PUDP: variants seen among roughly 807,000 people sequenced by gnomAD.
PUDP encodes the protein pseudouridine-5'-phosphatase.
Under a neutral mutation model 9.4 loss-of-function variants are expected in PUDP, and 8 were observed. The observed-to-expected ratio is 0.85, with a 90% confidence interval of 0.50 to 1.53. The LOEUF is 1.53. Among genes scored for constraint, PUDP ranks in the 40% most tolerant of loss-of-function variants. The pLI, the probability that PUDP is intolerant of heterozygous loss-of-function variation, is 0.00. For synonymous variants in PUDP, 99 were observed against 80.7 expected (o/e 1.23, Z -1.22); for missense variants, 188 against 189.7 (o/e 0.99, Z 0.05).
intron 3 of PUDP, among the ~76,000 whole-genome samples, chrX:6,762,422 T>C (rs1043816713): frequency 1.8e-5 from 2 of 112,155 alleles, no homozygotes; most frequent in African/African-American, 6.5e-5. Context: ...TTTTCTACCT[T>C]CATTTTCAGT....
At chrX:6,912,360 T>A (rs1377116205) in intron 3 of PUDP, among the ~76,000 whole-genome samples, 2 of 112,324 alleles carry the variant, frequency 1.8e-5, no homozygotes, top group East Asian at 5.6e-4. Context: ...TGTGATTTTA[T>A]CATACCAGTG....
At chrX:6,964,909 A>C (rs1026546568) in intron 3 of PUDP, among the ~76,000 whole-genome samples, 4 of 111,478 alleles carry the variant, frequency 3.6e-5, no homozygotes, top group Non-Finnish European at 1.9e-5. Flanking sequence ...GTACCATCTC[A>C]ATTCGTAAGA....
chrX:7,129,408 G>A (rs1427311190), intron 1 of PUDP, among the ~76,000 whole-genome samples: 3 of 111,807 alleles, frequency 2.7e-5, no homozygotes, highest in South Asian at 7.6e-4. Context: ...CAATACACAT[G>A]CCATGTTGGA....
At chrX:7,139,049 G>A (rs999595922) in intron 1 of PUDP, among the ~76,000 whole-genome samples, 1 of 111,917 alleles carries the variant, frequency 8.9e-6, no homozygotes, top group Non-Finnish European at 1.9e-5. Context: ...ATCCTTGACA[G>A]TATGCTACCC....
intron 3 of PUDP, among the ~76,000 whole-genome samples, chrX:7,068,164 G>A (rs761523308): frequency 1.8e-5 from 2 of 112,137 alleles, no homozygotes; most frequent in South Asian, 7.5e-4. Context: ...AAGTTTATAA[G>A]AACTGAAAAT....
downstream of PUDP, among the ~76,000 whole-genome samples, chrX:7,044,387 C>T (rs1394149107): frequency 1.8e-5 from 2 of 112,419 alleles, no homozygotes; most frequent in East Asian, 2.8e-4. Flanking sequence ...AGGAAAGACC[C>T]GCAAGTATCT....
intron 3 of PUDP, among the ~76,000 whole-genome samples, chrX:7,065,212 G>A (rs1184719180): frequency 9.0e-6 from 1 of 111,659 alleles, no homozygotes; most frequent in Non-Finnish European, 1.9e-5. Context: ...ATTCTCATTA[G>A]CCACTTCTTC....
intron 3 of PUDP, among the ~76,000 whole-genome samples, chrX:6,888,206 T>G (rs1327331783): frequency 9.0e-6 from 1 of 111,401 alleles, no homozygotes; most frequent in African/African-American, 3.3e-5. Context: ...TGCTAATATG[T>G]GTGATTAGCA....
chrX:7,004,453 C>T (rs757137403), intron 1 of PUDP, among the ~76,000 whole-genome samples: 1 of 111,611 alleles, frequency 9.0e-6, no homozygotes, highest in Non-Finnish European at 1.9e-5. Flanking sequence ...GACTTCTTAA[C>T]AATAACGTGG....
Position 7,016,589 on chromosome X carries a change from G to T in PUDP, c.205-38246C>A, listed in dbSNP as rs750166997. Among the ~76,000 whole-genome samples, 4 of 111,196 alleles carry T rather than the reference G, an allele frequency of 3.6e-5. No homozygotes were observed. In the South Asian group the frequency reaches 1.5e-3, roughly 43 times the overall value. ...ACTTCACAATTCATATAGTGTTAGA[G>T]AGTGGTCTATACCTTTCTCTATGAC... is the stretch of plus-strand genomic sequence containing the variant. On this transcript the variant is annotated intron_variant and NMD_transcript_variant, in intron 1 of 3. Coordinates refer to the PUDP transcript ENST00000655425.
intron 3 of PUDP, among the ~76,000 whole-genome samples, chrX:6,801,111 C>G (rs1299297346): frequency 9.0e-6 from 1 of 111,239 alleles, no homozygotes; most frequent in African/African-American, 3.3e-5. Flanking sequence ...AGTACCGGAG[C>G]CTAATTTAAT....
At chrX:7,074,474 C>G (rs1426676801) in intron 3 of PUDP, among the ~76,000 whole-genome samples, 1 of 112,724 alleles carries the variant, frequency 8.9e-6, no homozygotes, top group Non-Finnish European at 1.9e-5. Context: ...CTTGAAATTC[C>G]GTTTAATTGC....
At chrX:6,836,709 C>T (rs1327106386) in intron 3 of PUDP, among the ~76,000 whole-genome samples, 1 of 111,649 alleles carries the variant, frequency 9.0e-6, no homozygotes, top group African/African-American at 3.3e-5. Flanking sequence ...TTATAGCCTC[C>T]ACACATCAAG....
chrX:7,047,944 T>C (rs1930005596), downstream of PUDP, among the ~76,000 whole-genome samples: 1 of 112,499 alleles, frequency 8.9e-6, no homozygotes, highest in Non-Finnish European at 1.9e-5. Flanking sequence ...AAATATAAAC[T>C]GCAGTGTCTA....
intron 3 of PUDP, among the ~76,000 whole-genome samples, chrX:6,830,334 A>T (rs752525598): frequency 9.0e-6 from 1 of 111,665 alleles, no homozygotes; most frequent in Non-Finnish European, 1.9e-5. Flanking sequence ...GATAAAGGGA[A>T]AAAAAAATCC....
At chrX:7,042,499 A>ATT (rs1929935720) in intron 1 of PUDP, among the ~76,000 whole-genome samples, 1 of 111,959 alleles carries the variant, frequency 8.9e-6, no homozygotes, top group Non-Finnish European at 1.9e-5. Flanking sequence ...AGTACTAGAA[A>ATT]CACTGGAATT....
At chrX:6,993,076 C>T (rs1341705660) in intron 1 of PUDP, among the ~76,000 whole-genome samples, 1 of 111,933 alleles carries the variant, frequency 8.9e-6, no homozygotes, top group African/African-American at 3.2e-5. Flanking sequence ...ACCAGCTTCC[C>T]TACTTTTGAG....
chrX:6,885,648 C>G (rs772338341), intron 3 of PUDP, among the ~76,000 whole-genome samples: 1 of 112,369 alleles, frequency 8.9e-6, no homozygotes, highest in African/African-American at 3.2e-5. Context: ...AGTGTCTGTG[C>G]TATTTCCACA....
At chrX:6,767,418 C>T (rs1054363685) in intron 3 of PUDP, among the ~76,000 whole-genome samples, 2 of 112,655 alleles carry the variant, frequency 1.8e-5, no homozygotes, top group Non-Finnish European at 1.9e-5. Flanking sequence ...AGAAGGGGAG[C>T]TGCTTTTTAT....
Sources: gnomAD v4.1 joint callset for allele counts (sites outside exome capture counted in the v4.1 genomes callset) on GRCh38, gnomAD v4.1.1 for gene constraint, MANE v1.5 for transcripts, NCBI Gene and HGNC (gene_info 2026-07-23, HGNC 2026-07-21) for gene names.